The following POLR1C variants were observed in gnomAD, a reference collection of about 807,000 sequenced individuals.
POLR1C encodes the protein RNA polymerase I and III subunit C, also known as DNA-directed RNA polymerases I and III subunit RPAC1.
A neutral mutation model predicts 38.3 loss-of-function variants in POLR1C; 42 were observed. The observed-to-expected ratio is 1.10, with a 90% CI of 0.86 to 1.42. POLR1C has a LOEUF of 1.42. Among genes scored for constraint, POLR1C ranks in the 40% most tolerant of loss-of-function variants. POLR1C has a pLI of 0.00. For missense variants in POLR1C, 507 were observed against 450.5 expected, an observed-to-expected ratio of 1.13 and a Z score of -1.14; for synonymous variants, 163 against 163.9, an observed-to-expected ratio of 0.99 and a Z score of 0.04.
At chr6:43,554,184 G>C (rs537433545) in intron 10 of POLR1C, among the ~76,000 whole-genome samples, 1 of 152,142 alleles carries the variant, frequency 6.6e-6, no homozygotes, top group Non-Finnish European at 1.5e-5. Context: ...TCGGCTCACT[G>C]CAACATTAGC....
chr6:43,525,944 T>A, downstream of POLR1C: 1 of 1,612,396 alleles, frequency 6.2e-7, no homozygotes, highest in African/African-American at 1.3e-5. Flanking sequence ...AGTAGAATGT[T>A]AAGCTCCATC....
At chr6:43,534,253 G>A (rs144955996), downstream of POLR1C, among the ~76,000 whole-genome samples, 989 of 152,232 alleles carry the variant, frequency 6.5e-3, 10 homozygotes, top group African/African-American at 0.022. Flanking sequence ...CCAAGACACA[G>A]GACAGTATCA....
chr6:43,539,680 C>G lies in POLR1C; in HGVS notation c.*4+10321C>G, dbSNP rs113864553. ...GGCCACCAGGGCCTCCAGGCCCCCC[C>G]ACTGCACCGGCGTCATCCGCCATTT... On this transcript the variant is annotated intron_variant, in intron 9 of 10. Coordinates refer to the POLR1C transcript ENST00000607635. 101 of 917,274 alleles carry G rather than the reference C, an allele frequency of 1.1e-4. 1 individual carries two copies. In the Middle Eastern group the frequency reaches 1.3e-3, roughly 12 times the overall value. 56.8% of individuals were successfully genotyped at this position (917,274 alleles called of 1,614,324 possible).
chr6:43,535,377 G>A (rs1478583305), intron 9 of POLR1C, among the ~76,000 whole-genome samples: 1 of 151,912 alleles, frequency 6.6e-6, no homozygotes, highest in Non-Finnish European at 1.5e-5. Context: ...ATCATCTGAG[G>A]TCAGGAGTTC....
chr6:43,544,566 C>A (rs529432754), intron 9 of POLR1C, among the ~76,000 whole-genome samples: 2 of 152,300 alleles, frequency 1.3e-5, no homozygotes, highest in South Asian at 4.1e-4. Flanking sequence ...TGATTAGCTT[C>A]TTGCCCTATG....
At chr6:43,535,925 C>T (rs1007813931) in intron 9 of POLR1C, among the ~76,000 whole-genome samples, 2 of 151,790 alleles carry the variant, frequency 1.3e-5, no homozygotes, top group Non-Finnish European at 2.9e-5. Context: ...GAGATCAAGA[C>T]CAGCCTGGCC....
At chr6:43,560,997 G>C in intron 10 of POLR1C, 2 of 1,613,764 alleles carry the variant, frequency 1.2e-6, no homozygotes, top group Non-Finnish European at 1.7e-6. Context: ...TTCTACATCA[G>C]AATCTGCACC....
At chr6:43,533,972 G>C, downstream of POLR1C, 1 of 1,606,100 alleles carries the variant, frequency 6.2e-7, no homozygotes. Flanking sequence ...TGCCATTTTG[G>C]CTAGCATTTC....
At chr6:43,534,766 G>A (rs574266732) in intron 9 of POLR1C, among the ~76,000 whole-genome samples, 32 of 152,160 alleles carry the variant, frequency 2.1e-4, no homozygotes, top group Non-Finnish European at 4.4e-4. Flanking sequence ...GGGAGGCCGA[G>A]GCTGGCGAAT....
rs1582180386 is a variant in POLR1C at position 43,519,201 on chromosome 6, TAA to T, written c.142-131_142-130del. The T allele has an allele frequency of 2.1e-5, 15 of 707,074 alleles. No individual in the cohort carries two copies. The East Asian group carries it at 4.0e-4, about 19-fold the overall frequency. 43.8% of individuals were successfully genotyped at this position (707,074 alleles called of 1,614,324 possible). On this transcript the variant is annotated intron_variant, in intron 2 of 8. Coordinates refer to ENST00000642195, the MANE Select transcript of POLR1C (RefSeq NM_203290.4). ...ACACTGGGCGAGATAGAATATTTAATAAGAGACATTTGGGCAAAGGGAGGTTT... is the reference window on the plus strand; with the variant it reads ...ACACTGGGCGAGATAGAATATTTAATGAGACATTTGGGCAAAGGGAGGTTT...
Position 43,519,358 on chromosome 6 carries a change from T to C in POLR1C, c.167T>C (p.Met56Thr). The C allele has an allele frequency of 1.2e-6, 2 of 1,612,426 alleles. No homozygotes were observed. The highest frequency in any genetic ancestry group is 1.7e-6 in the Non-Finnish European group (2 of 1,178,406). Residue 56 changes from methionine (M) to threonine (T), a missense_variant, in exon 3 of 9, where the codon ATG becomes ACG. By Grantham distance (81) the Met-to-Thr change is moderately conservative. Transcript: ENST00000642195. ...EKNFRVDVVH[M>T]DENSLEFDMV... is the part of the protein sequence containing the mutation. ...AATTTCCGTGTGGATGTAGTACACA[T>C]GGATGAAAACTCACTGGAGTTTGAC... is the stretch of plus-strand genomic sequence containing the variant.
exon 9 of POLR1C, chr6:43,529,301 G>T (rs1467190764): frequency 2.7e-6 from 3 of 1,097,650 alleles, no homozygotes; most frequent in Non-Finnish European, 3.8e-6. Flanking sequence ...CCAGCACTTT[G>T]GGAGGCCAAG....
chr6:43,551,178 A>C (rs1795211188), intron 10 of POLR1C: 1 of 1,062,070 alleles, frequency 9.4e-7, no homozygotes, highest in African/African-American at 1.6e-5. Flanking sequence ...ATCCCTTGAG[A>C]CTAGTAATTT....
chr6:43,525,252 A>C (rs374398375), downstream of POLR1C: 155 of 1,542,616 alleles, frequency 1.0e-4, 1 homozygote, highest in Admixed American at 1.1e-3. Flanking sequence ...ATGGAAAAAG[A>C]AGCACAGTTT....
At chr6:43,527,784 AG>A in intron 8 of POLR1C, 1 of 1,591,110 alleles carries the variant, frequency 6.3e-7, no homozygotes, top group Non-Finnish European at 8.6e-7. Context: ...AGGAAGGACA[AG>A]GAAAGCAGCG....
At chr6:43,554,317 T>A (rs183722716) in intron 10 of POLR1C, among the ~76,000 whole-genome samples, 76 of 152,178 alleles carry the variant, frequency 5.0e-4, no homozygotes, top group African/African-American at 1.8e-3. Flanking sequence ...TTCACCATCT[T>A]GGCCAGGCTG....
At chr6:43,527,653 T>A in intron 8 of POLR1C, 1 of 1,613,988 alleles carries the variant, frequency 6.2e-7, no homozygotes. Flanking sequence ...CCATGACTTC[T>A]CGGGTTAACA....
At chr6:43,518,274 G>A (rs545853026) in intron 2 of POLR1C, among the ~76,000 whole-genome samples, 3 of 152,292 alleles carry the variant, frequency 2.0e-5, no homozygotes, top group East Asian at 1.9e-4. Flanking sequence ...TAAGACTGAT[G>A]GTAGAAATAG....
intron 9 of POLR1C, among the ~76,000 whole-genome samples, chr6:43,536,806 G>A (rs1018543670): frequency 7.5e-6 from 1 of 134,072 alleles, no homozygotes; most frequent in African/African-American, 2.9e-5. Context: ...TTTACTTTTT[G>A]GGTTTTAAAA....
Sources: allele counts gnomAD v4.1 joint callset (sites outside exome capture counted in the v4.1 genomes callset), GRCh38; gene constraint gnomAD v4.1.1; transcripts MANE v1.5; gene names NCBI Gene and HGNC (gene_info 2026-07-23, HGNC 2026-07-21).